The following ADK variants were observed in gnomAD, a reference collection of about 807,000 sequenced individuals.
ADK encodes the protein N6,N6-dimethyladenosine kinase.
ADK carries 24 observed loss-of-function variants against 44.7 expected under a neutral mutation model. That is an observed-to-expected ratio of 0.54 (90% CI 0.39 to 0.76). The LOEUF (loss-of-function observed/expected upper bound fraction) is 0.76. Among genes scored for constraint, ADK ranks in the 30% least tolerant of loss-of-function variants. ADK has a pLI of 0.00. For missense variants in ADK, 321 were observed against 425.1 expected (o/e 0.76, Z 2.15); for synonymous variants, 128 against 142.6 (o/e 0.90, Z 0.73).
At chr10:74,618,480 A>G (rs897695464) in intron 9 of ADK, among the ~76,000 whole-genome samples, 1 of 151,920 alleles carries the variant, frequency 6.6e-6, no homozygotes, top group South Asian at 2.1e-4. Context: ...TATTAGAGAC[A>G]GTTTTGCCAT....
chr10:74,550,977 A>T (rs898840591), intron 7 of ADK, among the ~76,000 whole-genome samples: 2 of 152,168 alleles, frequency 1.3e-5, no homozygotes, highest in African/African-American at 4.8e-5. Context: ...AGTTGGATCT[A>T]CAGGGATGGC....
At chr10:74,646,720 C>T (rs543965667) in intron 9 of ADK, among the ~76,000 whole-genome samples, 7 of 152,164 alleles carry the variant, frequency 4.6e-5, no homozygotes, top group East Asian at 1.9e-4. Flanking sequence ...GCAGCAGTTT[C>T]GCAGTGCAAA....
At chr10:74,578,757 T>G (rs1263143560) in intron 7 of ADK, among the ~76,000 whole-genome samples, 1 of 151,956 alleles carries the variant, frequency 6.6e-6, no homozygotes, top group Non-Finnish European at 1.5e-5. Flanking sequence ...AGCAAGAAAA[T>G]TACAGTAATA....
chr10:74,162,795 G>A (rs1841942867), intron 1 of ADK, among the ~76,000 whole-genome samples: 1 of 151,880 alleles, frequency 6.6e-6, no homozygotes, highest in Non-Finnish European at 1.5e-5. Context: ...TGCCTGGCTT[G>A]GCCTCCCAAA....
intron 9 of ADK, among the ~76,000 whole-genome samples, chr10:74,659,501 T>C (rs1445402465): frequency 1.3e-5 from 2 of 152,316 alleles, no homozygotes; most frequent in Middle Eastern, 3.4e-3. Context: ...GTCAGAACCA[T>C]GCCTTCAGAA....
chr10:74,559,871 T>C (rs971889403), intron 7 of ADK, among the ~76,000 whole-genome samples: 11 of 151,786 alleles, frequency 7.2e-5, no homozygotes, highest in African/African-American at 2.7e-4. Context: ...TTTTTTTTTC[T>C]TTTTCCTTTG....
chr10:74,682,286 T>C (rs113530696), intron 10 of ADK, among the ~76,000 whole-genome samples: 5 of 152,236 alleles, frequency 3.3e-5, no homozygotes, highest in African/African-American at 9.6e-5. Flanking sequence ...TCCCATACCA[T>C]GTTAACAGAA....
chr10:74,227,022 T>A (rs1233296195), intron 3 of ADK, among the ~76,000 whole-genome samples: 1 of 152,234 alleles, frequency 6.6e-6, no homozygotes, highest in Non-Finnish European at 1.5e-5. Context: ...TTATGAAAGC[T>A]GTTTATAAAT....
chr10:74,445,193 C>T, intron 6 of ADK, among the ~76,000 whole-genome samples: 1 of 151,918 alleles, frequency 6.6e-6, no homozygotes, highest in East Asian at 1.9e-4. Flanking sequence ...ACATTATATA[C>T]AGCCTCTGTT....
At position 74,632,142 on chromosome 10, in the gene ADK, T is replaced by G. The variant is rs535566026; in HGVS notation, c.877+31649T>G. Among the ~76,000 whole-genome samples, 4 of 152,326 alleles carry G rather than the reference T, an allele frequency of 2.6e-5. No homozygotes were observed. The East Asian group carries it at 7.7e-4, about 29-fold the overall frequency. The stretch of plus-strand genomic sequence containing the variant: ...TCTTCTCCCAACCTTAAGCAACGAT[T>G]AATCTACTTTCTGCCTCTATGCATT... On this transcript the variant is annotated intron_variant, in intron 9 of 10. Coordinates refer to ENST00000539909, the MANE Select transcript of ADK (RefSeq NM_006721.4).
At chr10:74,488,711 T>A (rs374975571) in intron 6 of ADK, among the ~76,000 whole-genome samples, 1 of 151,750 alleles carries the variant, frequency 6.6e-6, no homozygotes, top group African/African-American at 2.4e-5. Context: ...TAAATGCTAA[T>A]GAAAACTGGA....
At chr10:74,185,604 G>T (rs1433411791) in intron 1 of ADK, among the ~76,000 whole-genome samples, 3 of 150,510 alleles carry the variant, frequency 2.0e-5, no homozygotes, top group Non-Finnish European at 4.4e-5. Flanking sequence ...AGGCCGAGGC[G>T]GGTAGATCAC....
chr10:74,161,595 T>C (rs1282251082), intron 1 of ADK, among the ~76,000 whole-genome samples: 1 of 151,966 alleles, frequency 6.6e-6, no homozygotes, highest in Non-Finnish European at 1.5e-5. Context: ...TGCCTATGCC[T>C]GTCTTGAACT....
At chr10:74,385,833 G>A (rs976725161) in intron 4 of ADK, among the ~76,000 whole-genome samples, 6 of 152,062 alleles carry the variant, frequency 3.9e-5, no homozygotes, top group Non-Finnish European at 5.9e-5. Flanking sequence ...TTTCTACTAG[G>A]CCTAATATTC....
chr10:74,219,006 T>G (rs2132223101), intron 2 of ADK, among the ~76,000 whole-genome samples: 1 of 152,100 alleles, frequency 6.6e-6, no homozygotes, highest in South Asian at 2.1e-4. Flanking sequence ...AGGTTCAAAT[T>G]CACACATAAC....
chr10:74,540,047 G>A (rs1392561917), intron 7 of ADK, among the ~76,000 whole-genome samples: 2 of 151,786 alleles, frequency 1.3e-5, no homozygotes, highest in African/African-American at 2.4e-5. Flanking sequence ...CCCTCTTTAC[G>A]CCAACTACAT....
At chr10:74,554,313 CCT>C (rs1305453124) in intron 7 of ADK, among the ~76,000 whole-genome samples, 1 of 152,104 alleles carries the variant, frequency 6.6e-6, no homozygotes, top group Non-Finnish European at 1.5e-5. Flanking sequence ...TCCTGCCAAT[CCT>C]CTGCAGAGCT....
intron 7 of ADK, among the ~76,000 whole-genome samples, chr10:74,584,144 C>T (rs961627780): frequency 6.6e-6 from 1 of 152,148 alleles, no homozygotes. Flanking sequence ...CATTGAAAAC[C>T]ATTTTGAAGA....
chr10:74,611,329 C>T (rs1478643059), intron 9 of ADK, among the ~76,000 whole-genome samples: 22 of 152,098 alleles, frequency 1.4e-4, no homozygotes, highest in Non-Finnish European at 1.5e-5. Context: ...GCCACCACAC[C>T]TGGCCTAAAT....
Sources: gnomAD v4.1 joint callset for allele counts (sites outside exome capture counted in the v4.1 genomes callset) on GRCh38, gnomAD v4.1.1 for gene constraint, MANE v1.5 for transcripts, NCBI Gene and HGNC (gene_info 2026-07-23, HGNC 2026-07-21) for gene names.